The following AGO4 variants were observed in gnomAD, a reference collection of about 807,000 sequenced individuals.
AGO4 encodes the protein protein argonaute-4.
A neutral mutation model predicts 104.7 loss-of-function variants in AGO4; 33 were observed. The ratio of observed to expected loss-of-function variants is 0.32; its 90% CI spans 0.24 to 0.42. The LOEUF (loss-of-function observed/expected upper bound fraction) is 0.42, where lower values mean the gene tolerates loss of function less well. AGO4 is among the 10% of genes least tolerant of loss of function. AGO4 has a pLI of 1.00. For synonymous variants in AGO4, 331 were observed against 364.7 expected (o/e 0.91, Z 1.05); for missense variants, 711 against 1,083.4 (o/e 0.66, Z 4.83).
At chr1:35,813,743 T>C (rs943737184) in intron 1 of AGO4, among the ~76,000 whole-genome samples, 1 of 141,524 alleles carries the variant, frequency 7.1e-6, no homozygotes, top group Non-Finnish European at 1.5e-5. Context: ...AGCAAGACCC[T>C]GGCTCAAAAA....
At position 35,825,683 on chromosome 1, in the gene AGO4, AC is replaced by A; in HGVS notation, c.497del (p.Pro166GlnfsTer31). On this transcript the variant is annotated frameshift_variant, in exon 5 of 18. Transcript: ENST00000373210. LOFTEE classifies it high-confidence loss of function. Reference protein sequence around the residue: ...ITRHLPSMRYTPVGRSFFSPP... With the variant: ...ITRHLPSMRYXPVGRSFFSPP... ...TGCAAACTCTTATTTCTTCAGGTAC[AC>A]CCCAGTGGGCCGTTCCTTTTTCTCA... 1 of 1,545,890 alleles carries A rather than the reference AC, an allele frequency of 6.5e-7. No homozygotes were observed. The highest frequency in any genetic ancestry group is 8.7e-7 in the Non-Finnish European group (1 of 1,151,546).
At chr1:35,823,460 C>G (rs545958172) in intron 3 of AGO4, among the ~76,000 whole-genome samples, 1 of 151,960 alleles carries the variant, frequency 6.6e-6, no homozygotes, top group African/African-American at 2.4e-5. Context: ...GAGCCTTGCT[C>G]TGTTGCCCAG....
chr1:35,837,975 C>G (rs906966840), intron 13 of AGO4, among the ~76,000 whole-genome samples: 3 of 151,306 alleles, frequency 2.0e-5, no homozygotes, highest in African/African-American at 2.4e-5. Flanking sequence ...CTCAATCTCC[C>G]CAGCTCAAGC....
intron 2 of AGO4, among the ~76,000 whole-genome samples, chr1:35,819,790 T>C (rs1343035719): frequency 7.1e-6 from 1 of 140,020 alleles, no homozygotes; most frequent in African/African-American, 2.7e-5. Flanking sequence ...AGAGTGAGAC[T>C]CTGAGTCTTA....
intron 13 of AGO4, among the ~76,000 whole-genome samples, chr1:35,840,112 C>T (rs1230326002): frequency 6.6e-6 from 1 of 151,628 alleles, no homozygotes; most frequent in African/African-American, 2.4e-5. Context: ...CCGCCTTAGC[C>T]TCCCCAGTAG....
intron 3 of AGO4, among the ~76,000 whole-genome samples, chr1:35,823,452 G>A (rs1643931727): frequency 1.3e-5 from 2 of 151,766 alleles, no homozygotes; most frequent in African/African-American, 4.8e-5. Context: ...GAGAGACGGA[G>A]CCTTGCTCTG....
chr1:35,817,297 C>G (rs1279723912), intron 2 of AGO4, among the ~76,000 whole-genome samples: 1 of 151,848 alleles, frequency 6.6e-6, no homozygotes, highest in Non-Finnish European at 1.5e-5. Flanking sequence ...TTTCATTGAC[C>G]AAGGGTAGCA....
At chr1:35,852,389 A>G (rs1644723280) in intron 17 of AGO4, among the ~76,000 whole-genome samples, 1 of 152,236 alleles carries the variant, frequency 6.6e-6, no homozygotes, top group Non-Finnish European at 1.5e-5. Flanking sequence ...TTTATATCAC[A>G]TGGTATCCTT....
Position 35,853,615 on chromosome 1 carries a change from A to C in AGO4, c.*10A>C. 2 of 1,612,926 alleles carry C rather than the reference A, an allele frequency of 1.2e-6. No individual in the cohort carries two copies. Among genetic ancestry groups the C allele is most frequent in the Non-Finnish European group, 1.7e-6 (2 of 1,179,238 alleles). On this transcript the variant is annotated 3_prime_UTR_variant, in exon 18 of 18. Coordinates refer to ENST00000373210, the MANE Select transcript of AGO4 (RefSeq NM_017629.4). ...GATGTATTTTGCCTGAGAGTCTCAG[A>C]AAAAGAACTCAACCAATTTGGCACC...
chr1:35,820,954 T>C (rs570332377), intron 2 of AGO4, among the ~76,000 whole-genome samples: 11 of 152,266 alleles, frequency 7.2e-5, no homozygotes, highest in African/African-American at 2.6e-4. Context: ...ACTTTACATA[T>C]GAAGAAACAG....
intron 2 of AGO4, among the ~76,000 whole-genome samples, chr1:35,817,431 A>G (rs975795056): frequency 6.7e-6 from 1 of 150,302 alleles, no homozygotes; most frequent in African/African-American, 2.5e-5. Context: ...ATATATATCA[A>G]TACAGAAGAT....
intron 15 of AGO4, among the ~76,000 whole-genome samples, chr1:35,849,076 C>G (rs1644639717): frequency 6.6e-6 from 1 of 152,212 alleles, no homozygotes; most frequent in Non-Finnish European, 1.5e-5. Flanking sequence ...CTCTGCTGTA[C>G]AGCAGAAGAG....
intron 15 of AGO4, among the ~76,000 whole-genome samples, chr1:35,843,334 G>C (rs1013445971): frequency 1.3e-5 from 2 of 152,110 alleles, no homozygotes; most frequent in Admixed American, 1.3e-4. Flanking sequence ...CCAAAGTGCT[G>C]GGATTACAGG....
chr1:35,809,745 A>G lies in AGO4; in HGVS notation c.19+1310A>G, dbSNP rs148733545. Among the ~76,000 whole-genome samples, 3 of 152,308 alleles carry G rather than the reference A, an allele frequency of 2.0e-5. No homozygotes were observed. The East Asian group carries it at 5.8e-4, about 29-fold the overall frequency. On this transcript the variant is annotated intron_variant, in intron 1 of 17. Coordinates refer to ENST00000373210, the MANE Select transcript of AGO4 (RefSeq NM_017629.4). ...TGTATGACCCTGGGAAAATTACTCAATTCCTTTGAACTTTCATTTTCTCGT... is the reference window on the plus strand; with the variant it reads ...TGTATGACCCTGGGAAAATTACTCAGTTCCTTTGAACTTTCATTTTCTCGT...
At chr1:35,816,798 CA>C (rs72065876) in intron 1 of AGO4, 83 bp from the exon 2 acceptor site, 210,001 of 962,558 alleles carry the variant, frequency 0.22, 27 homozygotes, top group Non-Finnish European at 0.25. Context: ...AACTCTGTCT[CA>C]AAAAAAAAAA....
Position 35,826,759 on chromosome 1 carries a change from G to A in AGO4, c.772G>A (p.Glu258Lys). Residue 258 changes from glutamate (E) to lysine (K), a missense_variant, in exon 7 of 18, where the codon GAG (glutamate) becomes AAG (lysine). Physicochemically the swap from Glu to Lys is moderately conservative, Grantham distance 56. Around this residue, in one of 3 missense-constraint regions of AGO4, gnomAD observed 308 missense variants for 397.8 expected, o/e 0.77. Transcript: ENST00000373210. ...AAAAAAAATTTCAGGTCTCAAAGTTGAGGTGACCCACTGTGGACAGATGAA... is the reference window on the plus strand; with the variant it reads ...AAAAAAAATTTCAGGTCTCAAAGTTAAGGTGACCCACTGTGGACAGATGAA... ...FTKEIRGLKV[E>K]VTHCGQMKRK... 6.2e-7 allele frequency: 1 copy of A among 1,614,068 alleles called. No individual in the cohort carries two copies. The highest frequency in any genetic ancestry group is 8.5e-7 in the Non-Finnish European group (1 of 1,179,976).
At position 35,841,480 on chromosome 1, in the gene AGO4, G is replaced by A; in HGVS notation, c.2040G>A (p.Gln680=). Residue 680 remains glutamine, a splice_region_variant and synonymous_variant, in exon 14 of 18, where the codon CAG becomes CAA. Coordinates refer to ENST00000373210, the MANE Select transcript of AGO4 (RefSeq NM_017629.4). This position sits in a 1 kb window ranked among gnomAD's most constrained non-coding sequence, Gnocchi z 4.7. ...RGGVSEGQMK[Q]VAWPELIAIR... is the part of the protein sequence containing the mutation. ...GGGTATCTGAGGGACAAATGAAACA[G>A]GTACTCTCATTATCCCTGTTGCCCT... 6.2e-7 allele frequency: 1 copy of A among 1,611,898 alleles called. No homozygotes were observed. The highest frequency in any genetic ancestry group is 8.5e-7 in the Non-Finnish European group (1 of 1,178,114).
At position 35,813,698 on chromosome 1, in the gene AGO4, A is replaced by G. The variant is rs1349306905; in HGVS notation, c.20-3184A>G. ...CAGGAGGTCGAGGCTGCAGTGAGCC[A>G]TGATTGACCCACTGCACTCCAGCCT... On this transcript the variant is annotated intron_variant, in intron 1 of 17. Transcript: ENST00000373210. Among the ~76,000 whole-genome samples, 3 of 151,824 alleles carry G rather than the reference A, an allele frequency of 2.0e-5. No homozygotes were observed. In the South Asian group the frequency reaches 6.2e-4, roughly 32 times the overall value.
Position 35,853,592 on chromosome 1 carries a change from T to C in AGO4, c.2573T>C (p.Met858Thr). 1 of 1,613,810 alleles carries C rather than the reference T, an allele frequency of 6.2e-7. No individual in the cohort carries two copies. Among genetic ancestry groups the C allele is most frequent in the Non-Finnish European group, 8.5e-7 (1 of 1,179,874 alleles). Reference protein sequence around the residue: ...VQIHHDTQHTMYFA With the variant: ...VQIHHDTQHTTYFA ...ATCCACCATGATACCCAGCACACGA[T>C]GTATTTTGCCTGAGAGTCTCAGAAA... Residue 858 changes from methionine (M) to threonine (T), a missense_variant, in exon 18 of 18, where the codon ATG (methionine) becomes ACG (threonine). This residue lies in a region of AGO4 where 401 missense variants were observed against 665.5 expected (regional missense o/e 0.60). Transcript: ENST00000373210.
Sources: allele counts gnomAD v4.1 joint callset (sites outside exome capture counted in the v4.1 genomes callset), GRCh38; gene constraint gnomAD v4.1.1; regional missense constraint gnomAD v4.1.1; non-coding constraint Gnocchi (gnomAD v3.1); transcripts MANE v1.5; gene names NCBI Gene and HGNC (gene_info 2026-07-23, HGNC 2026-07-21).